NSDHL: variants seen among roughly 807,000 people sequenced by gnomAD.
NSDHL encodes NAD(P) dependent 3-beta-hydroxysteroid dehydrogenase NSDHL.
Under a neutral mutation model 23.0 loss-of-function variants are expected in NSDHL, and 1 was observed. That is an observed-to-expected ratio of 0.04 (90% CI 0.02 to 0.21). The LOEUF is 0.21. Among genes scored for constraint, NSDHL ranks in the 10% least tolerant of loss-of-function variants. The pLI, the probability that NSDHL is intolerant of heterozygous loss-of-function variation, is 1.00. For synonymous variants in NSDHL, 128 were observed against 121.1 expected (o/e 1.06, Z -0.37); for missense variants, 237 against 300.9 (o/e 0.79, Z 1.57).
intron 3 of NSDHL, among the ~76,000 whole-genome samples, chrX:152,851,750 CAG>C (rs1933360702): frequency 9.0e-6 from 1 of 110,965 alleles, no homozygotes; most frequent in South Asian, 3.9e-4. Flanking sequence ...TGGCCACCCA[CAG>C]CCGCCTGCTC....
rs368900090 is a variant in NSDHL, at chrX:152,833,373, C to G, written c.-44+2256C>G. ...TCCCCCCCGCCCACCATGCCTGGAG[C>G]CTTAGACTTGTCCAAAATCTCTTCC... On this transcript the variant is annotated intron_variant, in intron 1 of 7. Coordinates refer to ENST00000370274, the MANE Select transcript of NSDHL (RefSeq NM_015922.3). Among the ~76,000 whole-genome samples the G allele has an allele frequency of 4.9e-4, 52 of 105,364 alleles. No individual in the cohort carries two copies. In the South Asian group the frequency reaches 0.022, roughly 44 times the overall value. 91.5% of individuals were successfully genotyped at this position (105,364 alleles called of 115,157 possible).
chrX:152,863,608 T>C, intron 5 of NSDHL, among the ~76,000 whole-genome samples: 1 of 112,806 alleles, frequency 8.9e-6, no homozygotes, highest in Middle Eastern at 4.6e-3. Flanking sequence ...CTGATTTTAG[T>C]ATGGTTGGAT....
chrX:152,858,603 C>A (rs1193938544), intron 3 of NSDHL, among the ~76,000 whole-genome samples, 167 bp from the exon 4 acceptor site: 2 of 111,664 alleles, frequency 1.8e-5, no homozygotes, highest in Non-Finnish European at 3.8e-5. Context: ...GGTTTCCATC[C>A]CATGTACTTC....
chrX:152,865,179 G>A (rs1451928976), intron 5 of NSDHL, among the ~76,000 whole-genome samples: 2 of 112,383 alleles, frequency 1.8e-5, no homozygotes, highest in Non-Finnish European at 3.8e-5. Context: ...CTTTCCTTGC[G>A]GTGGCAACAG....
intron 2 of NSDHL, 115 bp downstream of exon 2, chrX:152,846,547 T>C: frequency 1.9e-6 from 1 of 539,204 alleles, no homozygotes; most frequent in Non-Finnish European, 3.3e-6. Context: ...GTAAGATATA[T>C]AGCTTTGTTT....
chrX:152,852,731 C>T lies in NSDHL; in HGVS notation c.267+2308C>T, dbSNP rs1212492322. On this transcript the variant is annotated intron_variant, in intron 3 of 7. Coordinates refer to ENST00000370274, the MANE Select transcript of NSDHL (RefSeq NM_015922.3). ...CCACGTCTCTACTCAGCCTCCCCTG[C>T]TGTTCCCGAGGACGCCTCATCCCCA... Among the ~76,000 whole-genome samples, 3 of 111,161 alleles carry T rather than the reference C, an allele frequency of 2.7e-5. No homozygotes were observed. In the East Asian group the frequency reaches 8.5e-4, roughly 32 times the overall value.
intron 1 of NSDHL, among the ~76,000 whole-genome samples, chrX:152,835,958 T>A (rs1452243132): frequency 5.3e-5 from 6 of 112,154 alleles, no homozygotes; most frequent in Non-Finnish European, 1.1e-4. Flanking sequence ...TCCTCTCCAG[T>A]ATCTGTTGTT....
intron 1 of NSDHL, among the ~76,000 whole-genome samples, chrX:152,838,351 T>C (rs1273965493): frequency 3.2e-4 from 36 of 111,653 alleles, no homozygotes; most frequent in African/African-American, 1.1e-3. Flanking sequence ...CTTGTGAATG[T>C]GTTTGCTCTT....
At chrX:152,837,330 A>C (rs1933114935) in intron 1 of NSDHL, among the ~76,000 whole-genome samples, 1 of 111,654 alleles carries the variant, frequency 9.0e-6, no homozygotes, top group South Asian at 3.8e-4. Flanking sequence ...TTCCAACACT[A>C]TGTTGAATAG....
At chrX:152,836,519 A>G (rs1478409728) in intron 1 of NSDHL, among the ~76,000 whole-genome samples, 1 of 111,704 alleles carries the variant, frequency 9.0e-6, no homozygotes, top group Non-Finnish European at 1.9e-5. Context: ...CTTTCTCCAT[A>G]TGGCTAGCCA....
At chrX:152,855,990 C>G (rs982728890) in intron 3 of NSDHL, among the ~76,000 whole-genome samples, 4 of 112,582 alleles carry the variant, frequency 3.6e-5, no homozygotes, top group African/African-American at 1.3e-4. Context: ...ATATTTAGCT[C>G]TCTTTTAATT....
chrX:152,850,324 G>C lies in NSDHL; in HGVS notation c.168G>C (p.Gln56His). Reference protein sequence around the residue: ...SGFLGQHMVEQLLARGYAVNV... With the variant: ...SGFLGQHMVEHLLARGYAVNV... ...TCCTGGGGCAGCACATGGTGGAGCA[G>C]TTGCTGGCAAGAGGATATGCTGTCA... The change falls in exon 3 of 8, where the codon CAG becomes CAC. Residue 56 changes from glutamine to histidine, a missense_variant. By Grantham distance (24) the Gln-to-His change is conservative (BLOSUM62 0). Around this residue, in one of 3 missense-constraint regions of NSDHL, gnomAD observed 81 missense variants for 103.3 expected, o/e 0.78. Coordinates refer to ENST00000370274, the MANE Select transcript of NSDHL (RefSeq NM_015922.3). 1 of 1,209,057 alleles carries C rather than the reference G, an allele frequency of 8.3e-7. No individual in the cohort carries two copies.
At chrX:152,852,592 A>G (rs1933375119) in intron 3 of NSDHL, among the ~76,000 whole-genome samples, 1 of 111,538 alleles carries the variant, frequency 9.0e-6, no homozygotes, top group African/African-American at 3.3e-5. Flanking sequence ...TGGCCACCAC[A>G]GTGTACTTCA....
intron 1 of NSDHL, among the ~76,000 whole-genome samples, chrX:152,845,989 C>T (rs1408401191): frequency 8.9e-6 from 1 of 112,796 alleles, no homozygotes; most frequent in African/African-American, 3.2e-5. Flanking sequence ...ATGCCAAAGA[C>T]GTTTTTTATG....
At chrX:152,866,761 A>G (rs1010294894) in intron 6 of NSDHL, among the ~76,000 whole-genome samples, 5 of 112,626 alleles carry the variant, frequency 4.4e-5, no homozygotes, top group Non-Finnish European at 9.4e-5. Context: ...CTACCCCAGT[A>G]TGAGCTCAGC....
intron 6 of NSDHL, 80 bp downstream of exon 6, chrX:152,866,041 T>C (rs1933603181): frequency 9.4e-7 from 1 of 1,058,286 alleles, no homozygotes; most frequent in South Asian, 1.9e-5. Context: ...AGGAGCCACA[T>C]GGCATTGTAG....
intron 4 of NSDHL, among the ~76,000 whole-genome samples, chrX:152,862,086 C>T (rs111341470): frequency 2.7e-5 from 3 of 112,556 alleles, no homozygotes; most frequent in African/African-American, 9.7e-5. Context: ...ACGCTGGGGA[C>T]CCTCATAAGA....
intron 5 of NSDHL, 101 bp from the exon 6 acceptor site, chrX:152,865,718 G>A (rs914059226): frequency 5.8e-6 from 6 of 1,035,248 alleles, no homozygotes; most frequent in Non-Finnish European, 8.1e-6. Flanking sequence ...TGTGTCATCT[G>A]TCTGTCCCCC....
At chrX:152,866,710 C>G (rs1183692722) in intron 6 of NSDHL, among the ~76,000 whole-genome samples, 3 of 112,324 alleles carry the variant, frequency 2.7e-5, no homozygotes, top group African/African-American at 9.7e-5. Context: ...GTCCAAATTT[C>G]CCTCTTATAA....
Sources: allele counts gnomAD v4.1 joint callset (sites outside exome capture counted in the v4.1 genomes callset), GRCh38; gene constraint gnomAD v4.1.1; regional missense constraint gnomAD v4.1.1; transcripts MANE v1.5; gene names NCBI Gene and HGNC (gene_info 2026-07-23, HGNC 2026-07-21).